CLEC12A: variants seen among roughly 807,000 people sequenced by gnomAD.
The protein encoded by CLEC12A is C-type lectin domain family 12 member A.
A neutral mutation model predicts 26.5 loss-of-function variants in CLEC12A; 22 were observed. That is an observed-to-expected ratio of 0.83 (90% CI 0.59 to 1.19). The LOEUF (loss-of-function observed/expected upper bound fraction) is 1.19, where lower values mean the gene tolerates loss of function less well. CLEC12A is among the 50% of genes most tolerant of loss of function. The pLI, the probability that CLEC12A is intolerant of heterozygous loss-of-function variation, is 0.00. For missense variants in CLEC12A, 353 were observed against 315.6 expected (o/e 1.12, Z -0.90); for synonymous variants, 119 against 101.9 (o/e 1.17, Z -1.01).
chr12:9,955,449 G>A (rs1283174749), intron 1 of CLEC12A, among the ~76,000 whole-genome samples: 1 of 152,076 alleles, frequency 6.6e-6, no homozygotes, highest in East Asian at 1.9e-4. Context: ...TGGTTAACAA[G>A]GAAATAATGA....
rs369518190 is a variant in CLEC12A, at chr12:9,976,042, A to C, written c.92-2924A>C. 5.3e-5 allele frequency among the ~76,000 whole-genome samples: 8 copies of C among 152,264 alleles called. No individual in the cohort carries two copies. In the East Asian group the frequency reaches 7.7e-4, roughly 15 times the overall value. On this transcript the variant is annotated intron_variant, in intron 1 of 5. Coordinates refer to ENST00000304361, the MANE Select transcript of CLEC12A (RefSeq NM_138337.6). ...GGAACCTCTGTCTAGATTTCAGAGG[A>C]TGTATGGAAATGCCTGGATGTCCAG... is the stretch of plus-strand genomic sequence containing the variant.
chr12:9,969,855 G>A (rs192090791), upstream of CLEC12A, among the ~76,000 whole-genome samples: 9 of 152,280 alleles, frequency 5.9e-5, no homozygotes, highest in East Asian at 1.7e-3. Context: ...GACTTTGATG[G>A]TCTCAACTCT....
At chr12:10,003,950 C>T in the CLEC12A span, among the ~76,000 whole-genome samples, 3 of 152,110 alleles carry the variant, frequency 2.0e-5, no homozygotes, top group Non-Finnish European at 2.9e-5. Flanking sequence ...GCAGTACCAT[C>T]TAACCTCATC....
upstream of CLEC12A, among the ~76,000 whole-genome samples, chr12:9,966,488 C>T (rs548948893): frequency 6.6e-5 from 10 of 152,150 alleles, no homozygotes; most frequent in Non-Finnish European, 1.0e-4. Flanking sequence ...TCTTGGGCTG[C>T]GGGCATTCTC....
chr12:9,977,075 A>C (rs1864368034), intron 1 of CLEC12A, among the ~76,000 whole-genome samples: 1 of 152,190 alleles, frequency 6.6e-6, no homozygotes, highest in Non-Finnish European at 1.5e-5. Context: ...AAATGGACTA[A>C]TACACATGCT....
chr12:9,980,097 CTATACAG>C (rs958656998), intron 3 of CLEC12A, among the ~76,000 whole-genome samples: 2 of 152,082 alleles, frequency 1.3e-5, no homozygotes, highest in Non-Finnish European at 2.9e-5. Context: ...TTAATTCTTA[CTATACAG>C]AATGTTTCCA....
chr12:9,956,850 T>C (rs1447879), intron 1 of CLEC12A, among the ~76,000 whole-genome samples: 43,493 of 152,152 alleles, frequency 0.29, 6,732 homozygotes, highest in East Asian at 0.47. Flanking sequence ...AACCTGGTCA[T>C]CCATGGTATG....
At chr12:9,980,389 G>A (rs1864506845) in intron 3 of CLEC12A, among the ~76,000 whole-genome samples, 193 bp from the exon 4 acceptor site, 2 of 148,518 alleles carry the variant, frequency 1.3e-5, no homozygotes, top group African/African-American at 5.0e-5. Flanking sequence ...TGTGAGCTGA[G>A]ATCACGCCAC....
At chr12:9,961,131 C>A (rs1454897902) in intron 1 of CLEC12A, among the ~76,000 whole-genome samples, 1 of 152,122 alleles carries the variant, frequency 6.6e-6, no homozygotes, top group African/African-American at 2.4e-5. Context: ...GGTCTGGAAT[C>A]AATAGAAAAG....
At chr12:9,976,937 T>C (rs61913541) in intron 1 of CLEC12A, among the ~76,000 whole-genome samples, 34,490 of 152,112 alleles carry the variant, frequency 0.23, 4,695 homozygotes, top group East Asian at 0.46. Context: ...TCTGCTGCCA[T>C]ATGAGGTGTG....
chr12:9,979,359 A>T lies in CLEC12A; in HGVS notation c.214A>T (p.Met72Leu). Residue 72 changes from methionine to leucine, a missense_variant, in exon 3 of 6, where the codon ATG (methionine) becomes TTG (leucine). Physicochemically the swap from Met to Leu is conservative, Grantham distance 15 (BLOSUM62 2). Transcript: ENST00000304361. ...AGTTCACGTAACTTTGAAGATAGAA[A>T]TGAAAAAAATGAACAAACTACAAAA... ...SMFHVTLKIEMKKMNKLQNIS... is the reference protein window; with the variant it reads ...SMFHVTLKIELKKMNKLQNIS... The T allele has an allele frequency of 1.3e-6, 2 of 1,597,894 alleles. No homozygotes were observed. Among genetic ancestry groups the T allele is most frequent in the South Asian group, 2.3e-5 (2 of 88,602 alleles).
chr12:9,974,867 G>T (rs985153665), intron 1 of CLEC12A, among the ~76,000 whole-genome samples: 1 of 152,136 alleles, frequency 6.6e-6, no homozygotes, highest in Non-Finnish European at 1.5e-5. Context: ...TTGAATTGTA[G>T]CTCCCATAAG....
At chr12:10,004,004 A>G in the CLEC12A span, among the ~76,000 whole-genome samples, 1 of 152,194 alleles carries the variant, frequency 6.6e-6, no homozygotes, top group Non-Finnish European at 1.5e-5. Context: ...GATTAAGGTG[A>G]AATGGGAGAG....
the CLEC12A span, among the ~76,000 whole-genome samples, chr12:10,005,528 G>A: frequency 6.6e-6 from 1 of 152,156 alleles, no homozygotes; most frequent in African/African-American, 2.4e-5. Flanking sequence ...TATATTTGTG[G>A]CAGGAATTAA....
In CLEC12A at chr12:9,985,287, T is replaced by C. The variant is rs1349027; in HGVS notation, c.*261T>C. 1.8e-5 allele frequency: 5 copies of C among 284,682 alleles called. No homozygotes were observed. Among genetic ancestry groups the C allele is most frequent in the Non-Finnish European group, 2.5e-5 (4 of 161,392 alleles). The allele number at this position is 284,682 out of a possible 1,614,324, so 17.6% of individuals were successfully genotyped here. A position where few individuals can be genotyped will look rare whatever the true frequency, so the allele number is the denominator to read the frequency against. On this transcript the variant is annotated 3_prime_UTR_variant, in exon 6 of 6. Coordinates refer to ENST00000304361, the MANE Select transcript of CLEC12A (RefSeq NM_138337.6). ...AGGAAGAGGAAGTCCATTCAGATAG[T>C]TGTGGGGGGCCTTCGAATTTTCATT...
rs182779803 is a variant in CLEC12A at position 9,994,998 on chromosome 12, C to T, written n.1005-20C>T. The T allele has an allele frequency of 8.4e-5, 131 of 1,551,588 alleles. No homozygotes were observed. In the East Asian group the frequency reaches 9.5e-4, roughly 11 times the overall value. ...GGGGAAAGAATTGTCTTATGACCAG[C>T]GCTGTCTTGTTTGAATTAGCAGGTA... On this transcript the variant is annotated intron_variant and non_coding_transcript_variant, in intron 4 of 4. Transcript: ENST00000449959.
the CLEC12A span, among the ~76,000 whole-genome samples, chr12:10,004,028 A>C: frequency 4.6e-5 from 7 of 152,222 alleles, no homozygotes; most frequent in African/African-American, 1.4e-4. Flanking sequence ...TGGCCCTCTT[A>C]GCAGGGTATG....
chr12:9,968,901 G>A (rs985935749), upstream of CLEC12A, among the ~76,000 whole-genome samples: 2 of 152,060 alleles, frequency 1.3e-5, no homozygotes, highest in Non-Finnish European at 2.9e-5. Context: ...TATACACAAT[G>A]GAATATTATT....
chr12:9,995,003 T>C, intron 4 of CLEC12A: 1 of 1,562,806 alleles, frequency 6.4e-7, no homozygotes, highest in Middle Eastern at 1.7e-4. Context: ...ACCAGCGCTG[T>C]CTTGTTTGAA....
Sources: allele counts gnomAD v4.1 joint callset (sites outside exome capture counted in the v4.1 genomes callset), GRCh38; gene constraint gnomAD v4.1.1; transcripts MANE v1.5; gene names NCBI Gene and HGNC (gene_info 2026-07-23, HGNC 2026-07-21).